The following AHCY variants were observed in gnomAD, a reference collection of about 807,000 sequenced individuals.
The protein encoded by AHCY is S-adenosyl-L-homocysteine hydrolase.
A neutral mutation model predicts 45.4 loss-of-function variants in AHCY; 24 were observed. The ratio of observed to expected loss-of-function variants is 0.53; its 90% CI spans 0.38 to 0.74. The LOEUF (loss-of-function observed/expected upper bound fraction) is 0.74, where lower values mean the gene tolerates loss of function less well. Ranked by LOEUF, AHCY falls within the 30% of genes least tolerant of loss-of-function variation. The pLI is 0.00. For missense variants in AHCY, 449 were observed against 594.1 expected (o/e 0.76, Z 2.54); for synonymous variants, 245 against 235.1 (o/e 1.04, Z -0.39).
intron 1 of AHCY, among the ~76,000 whole-genome samples, chr20:34,301,513 C>T (rs2036770928): frequency 6.6e-6 from 1 of 152,226 alleles, no homozygotes. Context: ...GTTTCTTCAT[C>T]TGTAAAGTGT....
chr20:34,239,968 A>G, the AHCY span, among the ~76,000 whole-genome samples: 2 of 152,226 alleles, frequency 1.3e-5, no homozygotes, highest in Admixed American at 6.5e-5. Context: ...ATAGCGATGA[A>G]TCTCTAACTT....
At chr20:34,302,797 C>T (rs2036823060) in intron 1 of AHCY, 4 of 1,009,178 alleles carry the variant, frequency 4.0e-6, no homozygotes, top group Non-Finnish European at 4.7e-6. Flanking sequence ...TCCTCATACA[C>T]CCTCCGGGGT....
chr20:34,297,852 G>A (rs967857251), intron 1 of AHCY, among the ~76,000 whole-genome samples: 1 of 152,038 alleles, frequency 6.6e-6, no homozygotes, highest in African/African-American at 2.4e-5. Context: ...TACCACAGAT[G>A]AGTTGAATGG....
At position 34,285,547 on chromosome 20, in the gene AHCY, G is replaced by A. The variant is rs143253323; in HGVS notation, c.1060C>T (p.Pro354Ser). Reference sequence around the variant, plus strand: ...AAGGAGTTACTCATCACGAAGCTGGGGTGGCCCATGGCACAACCCAGGTTG... The same window carrying A: ...AAGGAGTTACTCATCACGAAGCTGGAGTGGCCCATGGCACAACCCAGGTTG... The part of the protein sequence containing the change: ...LVNLGCAMGH[P>S]SFVMSNSFTN... The change falls in exon 9 of 10, where the codon CCC becomes TCC. Residue 354 changes from proline (P) to serine (S), a missense_variant. By Grantham distance (74) the Pro-to-Ser change is moderately conservative. Coordinates refer to ENST00000217426, the MANE Select transcript of AHCY (RefSeq NM_000687.4). 1.2e-6 allele frequency: 2 copies of A among 1,614,172 alleles called. No homozygotes were observed. Among genetic ancestry groups the A allele is most frequent in the Non-Finnish European group, 1.7e-6 (2 of 1,180,024 alleles).
chr20:34,237,583 A>G, the AHCY span, among the ~76,000 whole-genome samples: 1 of 152,246 alleles, frequency 6.6e-6, no homozygotes, highest in Non-Finnish European at 1.5e-5. Flanking sequence ...ATTTAAGATC[A>G]TATTATCTGT....
rs1568818079 is a variant in AHCY at position 34,303,311 on chromosome 20, G to C, written c.-41C>G. ...GATGGAAACGGGCGAAGGGGGCTGGGCCTCAGTCTGGGAACAGGAACTGGG... is the reference window on the plus strand; with the variant it reads ...GATGGAAACGGGCGAAGGGGGCTGGCCCTCAGTCTGGGAACAGGAACTGGG... On this transcript the variant is annotated 5_prime_UTR_variant, in exon 1 of 10. Transcript: ENST00000217426. The C allele has an allele frequency of 1.3e-6, 2 of 1,551,708 alleles. No homozygotes were observed. Among genetic ancestry groups the C allele is most frequent in the Non-Finnish European group, 1.7e-6 (2 of 1,146,960 alleles).
chr20:34,307,301 G>C (rs903423011), upstream of AHCY, among the ~76,000 whole-genome samples: 10 of 151,994 alleles, frequency 6.6e-5, no homozygotes, highest in Non-Finnish European at 2.9e-5. Flanking sequence ...TGTTGGCCAG[G>C]CTGGTCTTGA....
In AHCY at chr20:34,308,955, A is replaced by ATT. The variant is rs769193254; in HGVS notation, c.-57+2515_-57+2516dup. ...AGGCGTGAGCCACTGCGCCTGGCCA[A>ATT]TTTTTTTTTTTTTTTTTTTTTTGAG... On this transcript the variant is annotated intron_variant, in intron 1 of 9. Coordinates refer to the AHCY transcript ENST00000538132. Among the ~76,000 whole-genome samples, 223 of 89,564 alleles carry ATT rather than the reference A, an allele frequency of 2.5e-3. 2 individuals are homozygous for ATT. The highest frequency in any genetic ancestry group is 6.9e-3 in the African/African-American group (147 of 21,398). The allele number at this position is 89,564 out of a possible 152,430, so 58.8% of individuals were successfully genotyped here. A position where few individuals can be genotyped will look rare whatever the true frequency, so the allele number is the denominator to read the frequency against.
chr20:34,302,990 C>A, intron 1 of AHCY: 2 of 985,470 alleles, frequency 2.0e-6, no homozygotes, highest in Non-Finnish European at 2.4e-6. Flanking sequence ...CGCCAGTTTG[C>A]GGCTCGCAGA....
chr20:34,235,871 AAGGAAGGAAGG>A, the AHCY span, among the ~76,000 whole-genome samples: 11 of 20,586 alleles, frequency 5.3e-4, no homozygotes, highest in Non-Finnish European at 1.2e-3. Context: ...GAAGGAAAGG[AAGGAAGGAAGG>A]AAGGAAGGAA....
the AHCY span, among the ~76,000 whole-genome samples, chr20:34,245,343 A>AG: frequency 2.6e-5 from 4 of 151,256 alleles, no homozygotes; most frequent in Non-Finnish European, 5.9e-5. Context: ...CAAAAAAAAA[A>AG]AAAAAAAGAG....
intron 5 of AHCY, 33 bp downstream of exon 5, chr20:34,291,386 T>G: frequency 6.3e-7 from 1 of 1,580,156 alleles, no homozygotes; most frequent in Non-Finnish European, 8.7e-7. Flanking sequence ...CTGCAGCCAC[T>G]GTAGCGGGAG....
chr20:34,270,079 G>A, the AHCY span, among the ~76,000 whole-genome samples: 1 of 149,600 alleles, frequency 6.7e-6, no homozygotes, highest in African/African-American at 2.5e-5. Context: ...CCACCCCACC[G>A]GTCTGTACAA....
upstream of AHCY, among the ~76,000 whole-genome samples, chr20:34,304,255 T>C (rs1374614388): frequency 6.6e-6 from 1 of 152,242 alleles, no homozygotes. Context: ...TTGAGTATAT[T>C]CATTTTTGCT....
At position 34,292,519 on chromosome 20, in the gene AHCY, G is replaced by A. The variant is rs1314679276; in HGVS notation, c.296-12C>T. ...CTTCCAGGCATACACTGGAGGGTGAGTGGCACATCAGGGCCTGGACTTCCC... is the reference window on the plus strand; with the variant it reads ...CTTCCAGGCATACACTGGAGGGTGAATGGCACATCAGGGCCTGGACTTCCC... On this transcript the variant is annotated splice_polypyrimidine_tract_variant and intron_variant, in intron 3 of 9. Transcript: ENST00000217426. 8.1e-6 allele frequency: 13 copies of A among 1,613,870 alleles called. No homozygotes were observed. Among genetic ancestry groups the A allele is most frequent in the Non-Finnish European group, 1.1e-5 (13 of 1,180,018 alleles).
rs150175934 is a variant in AHCY at position 34,290,753 on chromosome 20, G to A, written c.744C>T (p.Asn248=). Residue 248 remains asparagine (N), a synonymous_variant, in exon 6 of 10, where the codon AAC becomes AAT. Coordinates refer to ENST00000217426, the MANE Select transcript of AHCY (RefSeq NM_000687.4). This position sits in a 1 kb window ranked among gnomAD's most constrained non-coding sequence, Gnocchi z 4.5. ...TACCCTCCATGGCAGCCTGCAGTGC[G>A]TTGATGGGGTCAATCTCGGTGATGA... ...RVIITEIDPI[N]ALQAAMEGYE... 3,902 of 1,613,886 alleles carry A rather than the reference G, an allele frequency of 2.4e-3. 7 individuals carry two copies. The highest frequency in any genetic ancestry group is 2.5e-3 in the South Asian group (232 of 91,066).
At position 34,290,302 on chromosome 20, in the gene AHCY, C is replaced by T. The variant is rs748908206; in HGVS notation, c.972+30G>A. 4.4e-6 allele frequency: 7 copies of T among 1,603,808 alleles called. No individual in the cohort carries two copies. Among genetic ancestry groups the T allele is most frequent in the Middle Eastern group, 1.7e-4 (1 of 5,760 alleles). On this transcript the variant is annotated intron_variant, in intron 8 of 9. Transcript: ENST00000217426. The surrounding 1 kb of genome is among the most constrained non-coding windows in gnomAD (Gnocchi z 4.5). The stretch of plus-strand genomic sequence containing the variant: ...GCACTCCTCTGCACTCCCATCTGCC[C>T]AGCCCACTGGCAAGGCGGGAGCTTC...
At chr20:34,307,362 TTTTTTTG>T (rs1315203273), upstream of AHCY, among the ~76,000 whole-genome samples, 6 of 151,904 alleles carry the variant, frequency 3.9e-5, no homozygotes, top group East Asian at 5.8e-4. Flanking sequence ...CATGCTGAGG[TTTTTTTG>T]TTTTTTGTTT....
At chr20:34,304,301 G>A (rs1335914340), upstream of AHCY, among the ~76,000 whole-genome samples, 2 of 152,156 alleles carry the variant, frequency 1.3e-5, no homozygotes, top group African/African-American at 4.8e-5. Flanking sequence ...ATGGGAAGGG[G>A]AAATTGGTTT....
Sources: allele counts gnomAD v4.1 joint callset (sites outside exome capture counted in the v4.1 genomes callset), GRCh38; gene constraint gnomAD v4.1.1; non-coding constraint Gnocchi (gnomAD v3.1); transcripts MANE v1.5; gene names NCBI Gene and HGNC (gene_info 2026-07-23, HGNC 2026-07-21).